Variants in ABCC1 observed in about 807,000 individuals in gnomAD.
ABCC1 encodes the protein multidrug resistance-associated protein 1.
ABCC1 carries 83 observed loss-of-function variants against 172.9 expected under a neutral mutation model. The ratio of observed to expected loss-of-function variants is 0.48; its 90% CI spans 0.40 to 0.58. ABCC1 has a LOEUF of 0.58. Among genes scored for constraint, ABCC1 ranks in the 20% least tolerant of loss-of-function variants. ABCC1 has a pLI of 0.00. For synonymous variants in ABCC1, 937 were observed against 825.2 expected (o/e 1.14, Z -2.32); for missense variants, 1,817 against 2,002.7 (o/e 0.91, Z 1.77).
chr16:16,073,986 A>T (rs895986919), intron 14 of ABCC1, among the ~76,000 whole-genome samples: 1 of 152,212 alleles, frequency 6.6e-6, no homozygotes, highest in Admixed American at 6.5e-5. Flanking sequence ...TTGACACAGC[A>T]CCTGGTGCAT....
intron 12 of ABCC1, among the ~76,000 whole-genome samples, chr16:16,057,746 C>T (rs752672344): frequency 7.2e-5 from 11 of 151,920 alleles, no homozygotes; most frequent in African/African-American, 1.9e-4. Context: ...AGTCTTGGTT[C>T]GTTCATTCTG....
chr16:16,088,124 C>CGT (rs60633005), intron 18 of ABCC1, among the ~76,000 whole-genome samples: 15,976 of 126,670 alleles, frequency 0.13, 985 homozygotes, highest in African/African-American at 0.17. Flanking sequence ...TGTGTGTATG[C>CGT]GTGTGTGTGT....
intron 1 of ABCC1, among the ~76,000 whole-genome samples, chr16:15,954,979 C>G (rs374416555): frequency 6.6e-6 from 1 of 152,138 alleles, no homozygotes; most frequent in Admixed American, 6.6e-5. Flanking sequence ...TCGTGTTGCC[C>G]GTTGCCTCAA....
Position 16,025,649 on chromosome 16 carries a change from T to A in ABCC1, c.616-7460T>A, listed in dbSNP as rs1467536296. Among the ~76,000 whole-genome samples the A allele has an allele frequency of 2.0e-5, 3 of 152,074 alleles. No individual in the cohort carries two copies. In the East Asian group the frequency reaches 5.8e-4, roughly 29 times the overall value. ...AACATGCTGAAAGACCCAGACAAGGTCCTTAAACTACCCTGCGCTCCAAGA... is the reference window on the plus strand; with the variant it reads ...AACATGCTGAAAGACCCAGACAAGGACCTTAAACTACCCTGCGCTCCAAGA... On this transcript the variant is annotated intron_variant, in intron 5 of 30. Transcript: ENST00000399410.
At position 16,012,256 on chromosome 16, in the gene ABCC1, T is replaced by C. The variant is rs904977338; in HGVS notation, c.352-2235T>C. Among the ~76,000 whole-genome samples, 5 of 152,290 alleles carry C rather than the reference T, an allele frequency of 3.3e-5. No individual in the cohort carries two copies. In the South Asian group the frequency reaches 1.0e-3, roughly 32 times the overall value. On this transcript the variant is annotated intron_variant, in intron 3 of 30. Coordinates refer to ENST00000399410, the MANE Select transcript of ABCC1 (RefSeq NM_004996.4). The stretch of plus-strand genomic sequence containing the variant: ...GGCCCAAGGTCACCTGGTCAGTAAG[T>C]GGTAGAGCCAGCTTCCAGTCTAGGC...
At chr16:16,069,519 T>G (rs898498348) in intron 13 of ABCC1, among the ~76,000 whole-genome samples, 41 of 152,310 alleles carry the variant, frequency 2.7e-4, no homozygotes, top group African/African-American at 9.4e-4. Flanking sequence ...TTTTCTGCAC[T>G]GTTTTCACAT....
At chr16:16,038,488 C>T (rs1162535199) in intron 7 of ABCC1, among the ~76,000 whole-genome samples, 1 of 152,140 alleles carries the variant, frequency 6.6e-6, no homozygotes, top group Non-Finnish European at 1.5e-5. Context: ...AGAGAGAGTG[C>T]CTGCATTTGC....
At chr16:16,065,918 AGT>A (rs1231498404) in intron 12 of ABCC1, among the ~76,000 whole-genome samples, 1 of 152,192 alleles carries the variant, frequency 6.6e-6, no homozygotes, top group Non-Finnish European at 1.5e-5. Context: ...ACCATTTAAA[AGT>A]GTGCAATTCA....
intron 26 of ABCC1, among the ~76,000 whole-genome samples, chr16:16,130,546 C>G (rs1234858856): frequency 1.3e-5 from 2 of 152,148 alleles, no homozygotes; most frequent in East Asian, 1.9e-4. Flanking sequence ...TTGCGCTCCT[C>G]AAATACCTAG....
intron 27 of ABCC1, among the ~76,000 whole-genome samples, 156 bp downstream of exon 27, chr16:16,132,091 A>C (rs1447185473): frequency 6.6e-6 from 1 of 152,180 alleles, no homozygotes; most frequent in Non-Finnish European, 1.5e-5. Flanking sequence ...CTGTGGCAGT[A>C]AAAGCTGTTC....
chr16:15,950,402 A>G (rs527770989), intron 1 of ABCC1, among the ~76,000 whole-genome samples: 1 of 151,826 alleles, frequency 6.6e-6, no homozygotes, highest in South Asian at 2.1e-4. Flanking sequence ...AAGAAGGGGG[A>G]TGTCCACCCT....
At chr16:15,949,925 AC>A in intron 1 of ABCC1, 126 bp downstream of exon 1, 1 of 801,236 alleles carries the variant, frequency 1.2e-6, no homozygotes, top group Non-Finnish European at 1.6e-6. Context: ...GGGGCCCGGG[AC>A]CCTCACGTCG....
At position 16,076,758 on chromosome 16, in the gene ABCC1, G is replaced by T. The variant is rs35626; in HGVS notation, c.1988+357G>T. Among the ~76,000 whole-genome samples, 60,817 of 151,974 alleles carry T rather than the reference G, an allele frequency of 0.4. 13,482 individuals are homozygous for T. Among genetic ancestry groups the T allele is most frequent in the African/African-American group, 0.61 (25,324 of 41,434 alleles). On this transcript the variant is annotated intron_variant, in intron 15 of 30. Coordinates refer to ENST00000399410, the MANE Select transcript of ABCC1 (RefSeq NM_004996.4). ...CGTCAGAACTTTCTTCATATTTTCT[G>T]TGTTTCACTTTCTCCTGGTCTGCTT...
At chr16:16,080,701 C>T (rs2050772536) in intron 16 of ABCC1, among the ~76,000 whole-genome samples, 1 of 152,182 alleles carries the variant, frequency 6.6e-6, no homozygotes, top group Non-Finnish European at 1.5e-5. Flanking sequence ...TTACAGTAAA[C>T]ATTAGCAAAT....
In ABCC1 at chr16:16,016,640, G is replaced by A. The variant is rs2151764583; in HGVS notation, c.615+19G>A. On this transcript the variant is annotated intron_variant, in intron 5 of 30. Coordinates refer to ENST00000399410, the MANE Select transcript of ABCC1 (RefSeq NM_004996.4). ...CGACCCTGTAAGTGTGACCACAGAT[G>A]AGTGTGTGTGCGTGTGTGTGTGAGA... 1 of 1,614,044 alleles carries A rather than the reference G, an allele frequency of 6.2e-7. No homozygotes were observed. Among genetic ancestry groups the A allele is most frequent in the Non-Finnish European group, 8.5e-7 (1 of 1,179,964 alleles).
At chr16:16,000,602 A>G (rs2047273544) in intron 1 of ABCC1, among the ~76,000 whole-genome samples, 1 of 151,776 alleles carries the variant, frequency 6.6e-6, no homozygotes, top group Non-Finnish European at 1.5e-5. Flanking sequence ...TTGTTGTTTA[A>G]TTGTTAAATT....
At chr16:16,007,778 G>A in intron 1 of ABCC1, 38 bp from the exon 2 acceptor site, 1 of 1,577,200 alleles carries the variant, frequency 6.3e-7, no homozygotes, top group Non-Finnish European at 8.6e-7. Context: ...CCTCTGGGGT[G>A]TGTCCTGCTG....
In ABCC1 at chr16:16,120,012, G is replaced by T. The variant is rs963372829; in HGVS notation, c.3391-1963G>T. 7.9e-5 allele frequency among the ~76,000 whole-genome samples: 12 copies of T among 152,250 alleles called. No individual in the cohort carries two copies. The East Asian group carries it at 1.7e-3, about 22-fold the overall frequency. The stretch of plus-strand genomic sequence containing the variant: ...AACAGCTATTCTGAGACTGCGTGGG[G>T]TTGTGCGGTACCTGGGTTCACTTAC... On this transcript the variant is annotated intron_variant, in intron 23 of 30. Transcript: ENST00000399410.
rs1022005254 is a variant in ABCC1 at position 16,141,341 on chromosome 16, G to T, written c.*60G>T. 8.2e-5 allele frequency: 122 copies of T among 1,493,948 alleles called. No homozygotes were observed. The highest frequency in any genetic ancestry group is 6.8e-5 in the East Asian group (3 of 44,010). The allele number at this position is 1,493,948 out of a possible 1,614,324, so 92.5% of individuals were successfully genotyped here. ...GGCCTATATGCCAGCGCCCAGGGAG[G>T]AGTCAGTACCCCTGGTAAACCAAGC... On this transcript the variant is annotated 3_prime_UTR_variant, in exon 31 of 31. Transcript: ENST00000399410.
Sources: gnomAD v4.1 joint callset for allele counts (sites outside exome capture counted in the v4.1 genomes callset) on GRCh38, gnomAD v4.1.1 for gene constraint, MANE v1.5 for transcripts, NCBI Gene and HGNC (gene_info 2026-07-23, HGNC 2026-07-21) for gene names.